Variants in SGMS2 observed in about 807,000 individuals in gnomAD.
SGMS2 encodes the protein phosphatidylcholine:ceramide cholinephosphotransferase 2.
A neutral mutation model predicts 43.8 loss-of-function variants in SGMS2; 21 were observed. The ratio of observed to expected loss-of-function variants is 0.48; its 90% CI spans 0.34 to 0.69. The LOEUF is 0.69. SGMS2 is among the 30% of genes least tolerant of loss of function. SGMS2 has a pLI of 0.01. For synonymous variants in SGMS2, 167 were observed against 160.6 expected (o/e 1.04, Z -0.30); for missense variants, 384 against 443.2 (o/e 0.87, Z 1.20).
At chr4:107,905,006 G>A (rs1731431007) in intron 5 of SGMS2, among the ~76,000 whole-genome samples, 1 of 152,072 alleles carries the variant, frequency 6.6e-6, no homozygotes, top group African/African-American at 2.4e-5. Context: ...TCAGAGTGAA[G>A]GCACTGTAGG....
At chr4:107,902,470 A>C (rs1469545340) in intron 4 of SGMS2, among the ~76,000 whole-genome samples, 1 of 151,718 alleles carries the variant, frequency 6.6e-6, no homozygotes, top group East Asian at 1.9e-4. Context: ...GTTTGGACCA[A>C]CTCCTTCCAG....
intron 2 of SGMS2, among the ~76,000 whole-genome samples, chr4:107,889,306 A>G (rs1730015170): frequency 1.3e-5 from 2 of 152,168 alleles, no homozygotes; most frequent in African/African-American, 4.8e-5. Context: ...CCCCATGTCA[A>G]ATTTTGACAC....
rs1295978402 is a variant in SGMS2, at chr4:107,895,417, C to T, written c.-137C>T. 9.1e-6 allele frequency: 8 copies of T among 883,560 alleles called. No individual in the cohort carries two copies. The East Asian group carries it at 2.0e-4, about 22-fold the overall frequency. 54.7% of individuals were successfully genotyped at this position (883,560 alleles called of 1,614,324 possible). A position where few individuals can be genotyped will look rare whatever the true frequency, so the allele number is the denominator to read the frequency against. On this transcript the variant is annotated 5_prime_UTR_variant, in exon 3 of 7. Coordinates refer to ENST00000690982, the MANE Select transcript of SGMS2 (RefSeq NM_001375905.1). ...GAAACAGTAATCGGATGGCTACCTT[C>T]TACATTTTGTATTAGGAAACAAAGT...
intron 3 of SGMS2, 115 bp downstream of exon 3, chr4:107,896,123 A>C: frequency 1.1e-6 from 1 of 937,880 alleles, no homozygotes; most frequent in Admixed American, 2.8e-5. Flanking sequence ...TTACCCAAAC[A>C]TTTGATGAAA....
chr4:107,881,946 A>G (rs1729390718), intron 2 of SGMS2, among the ~76,000 whole-genome samples: 1 of 152,088 alleles, frequency 6.6e-6, no homozygotes, highest in Non-Finnish European at 1.5e-5. Flanking sequence ...ATGACATCCT[A>G]TTCTTTTTTA....
At chr4:107,846,273 C>G (rs1726810758) in intron 1 of SGMS2, among the ~76,000 whole-genome samples, 1 of 109,302 alleles carries the variant, frequency 9.1e-6, no homozygotes, top group Admixed American at 1.1e-4. Context: ...TCCCCCCACC[C>G]CACAATAGTA....
chr4:107,891,001 G>A (rs967994637), intron 2 of SGMS2, among the ~76,000 whole-genome samples: 3 of 152,130 alleles, frequency 2.0e-5, no homozygotes, highest in Non-Finnish European at 4.4e-5. Flanking sequence ...TGAGGTGACT[G>A]CCTTTGCTTT....
chr4:107,896,053 TG>T, intron 3 of SGMS2, 45 bp downstream of exon 3: 1 of 1,538,854 alleles, frequency 6.5e-7, no homozygotes, highest in Non-Finnish European at 8.9e-7. Context: ...GGTTTGTTTT[TG>T]AGTGAATAGA....
chr4:107,902,004 T>C (rs1178719037), intron 4 of SGMS2, among the ~76,000 whole-genome samples: 1 of 151,998 alleles, frequency 6.6e-6, no homozygotes, highest in Non-Finnish European at 1.5e-5. Context: ...CCTCCCAGGT[T>C]CAAGTGATTC....
rs1284602031 is a variant in SGMS2, at chr4:107,838,120, A to G, written c.-327+12867A>G. The stretch of plus-strand genomic sequence containing the variant: ...AGAGAGGCCCTGAGGAATAACAGTT[A>G]ATAGGTCAAGTAGGAGACCATGGGG... On this transcript the variant is annotated intron_variant, in intron 1 of 6. Coordinates refer to ENST00000690982, the MANE Select transcript of SGMS2 (RefSeq NM_001375905.1). Among the ~76,000 whole-genome samples, 4 of 152,160 alleles carry G rather than the reference A, an allele frequency of 2.6e-5. No individual in the cohort carries two copies. In the East Asian group the frequency reaches 7.7e-4, roughly 29 times the overall value.
intron 1 of SGMS2, among the ~76,000 whole-genome samples, chr4:107,828,031 A>C (rs1167817111): frequency 1.3e-5 from 2 of 152,190 alleles, no homozygotes; most frequent in African/African-American, 4.8e-5. Context: ...TGCTGTGAAC[A>C]AAACACTATG....
chr4:107,873,292 G>C (rs1357829205), intron 2 of SGMS2: 1 of 137,426 alleles, frequency 7.3e-6, no homozygotes, highest in Non-Finnish European at 1.7e-5. Context: ...GGGGAAATCA[G>C]CTTCAAATAG....
chr4:107,897,747 C>T (rs1044622771), intron 3 of SGMS2, among the ~76,000 whole-genome samples: 1 of 152,066 alleles, frequency 6.6e-6, no homozygotes, highest in African/African-American at 2.4e-5. Context: ...ACAAGTTTGC[C>T]TTTTTACATT....
intron 1 of SGMS2, among the ~76,000 whole-genome samples, chr4:107,841,428 T>C (rs914811093): frequency 6.6e-6 from 1 of 152,106 alleles, no homozygotes; most frequent in Non-Finnish European, 1.5e-5. Flanking sequence ...ACAGACCTTT[T>C]TTTTTTTCAA....
At chr4:107,905,567 C>G (rs1731487936) in intron 5 of SGMS2, among the ~76,000 whole-genome samples, 1 of 152,150 alleles carries the variant, frequency 6.6e-6, no homozygotes, top group Admixed American at 6.5e-5. Flanking sequence ...TATTTTTTCC[C>G]ATTTTTCAGA....
At chr4:107,860,185 A>G (rs919706533) in intron 2 of SGMS2, among the ~76,000 whole-genome samples, 1 of 152,058 alleles carries the variant, frequency 6.6e-6, no homozygotes, top group Non-Finnish European at 1.5e-5. Context: ...ATAGCGTACT[A>G]TATTTCTCTG....
In SGMS2 at chr4:107,908,722, C is replaced by T. The variant is rs377533921; in HGVS notation, c.885C>T (p.Ala295=). The T allele has an allele frequency of 1.9e-5, 30 of 1,612,890 alleles. No homozygotes were observed. The highest frequency in any genetic ancestry group is 4.0e-5 in the African/African-American group (3 of 74,848). Residue 295 remains alanine (A), a synonymous_variant, in exon 6 of 7, where the codon GCC becomes GCT. Transcript: ENST00000690982. Reference sequence around the variant, plus strand: ...TGTTTTGGTGGTACCATTCAATGGCCAATGAAAAGGTGAGAGCAGTGAAGA... The same window carrying T: ...TGTTTTGGTGGTACCATTCAATGGCTAATGAAAAGGTGAGAGCAGTGAAGA... ...TRLFWWYHSM[A]NEKNLKVSSQ...
Position 107,908,669 on chromosome 4 carries a change from A to G in SGMS2, c.832A>G (p.Ile278Val). Residue 278 changes from isoleucine (I) to valine (V), a missense_variant, in exon 6 of 7, where the codon ATC (isoleucine) becomes GTC (valine). Ile to Val is a conservative substitution (Grantham distance 29). Coordinates refer to ENST00000690982, the MANE Select transcript of SGMS2 (RefSeq NM_001375905.1). ...ACACGAACACTACACTATCGATGTGATCATTGCTTATTATATCACAACACG... is the reference window on the plus strand; with the variant it reads ...ACACGAACACTACACTATCGATGTGGTCATTGCTTATTATATCACAACACG... ...VAHEHYTIDV[I>V]IAYYITTRLF... The G allele has an allele frequency of 6.2e-7, 1 of 1,614,048 alleles. No individual in the cohort carries two copies.
chr4:107,825,784 G>A lies in SGMS2; in HGVS notation c.-327+531G>A, dbSNP rs60652660. 2.7e-3 allele frequency among the ~76,000 whole-genome samples: 408 copies of A among 152,112 alleles called. 1 individual carries two copies. The highest frequency in any genetic ancestry group is 4.7e-3 in the Non-Finnish European group (319 of 67,996). Reference sequence around the variant, plus strand: ...TTTCTCAGCGAAAATAAGGGGCGGGGAACCCCTGTCAACATCCATCCAGAG... The same window carrying A: ...TTTCTCAGCGAAAATAAGGGGCGGGAAACCCCTGTCAACATCCATCCAGAG... On this transcript the variant is annotated intron_variant, in intron 1 of 6. Transcript: ENST00000690982.
Sources: gnomAD v4.1 joint callset for allele counts (sites outside exome capture counted in the v4.1 genomes callset) on GRCh38, gnomAD v4.1.1 for gene constraint, MANE v1.5 for transcripts, NCBI Gene and HGNC (gene_info 2026-07-23, HGNC 2026-07-21) for gene names.